Variants in OR10A2 observed in about 807,000 individuals in gnomAD.
The protein encoded by OR10A2 is olfactory receptor 10A2.
In OR10A2, 15 loss-of-function variants were observed where a neutral mutation model predicts 13.7. That is an observed-to-expected ratio of 1.10 (90% confidence interval 0.73 to 1.69). OR10A2 has a LOEUF of 1.69. Ranked by LOEUF, OR10A2 falls within the 40% of genes most tolerant of loss-of-function variation. OR10A2 has a pLI of 0.00. For synonymous variants in OR10A2, 145 were observed against 144.7 expected (o/e 1.00, Z -0.02); for missense variants, 343 against 361.1 (o/e 0.95, Z 0.41).
chr11:6,870,297 C>G lies in OR10A2; in HGVS notation c.543C>G (p.Leu181=), dbSNP rs7117739. 614,166 of 1,613,578 alleles carry G rather than the reference C, an allele frequency of 0.38. 119,084 individuals are homozygous for G. The highest frequency in any genetic ancestry group is 0.4 in the South Asian group (36,854 of 91,066). The change falls in exon 2 of 2, where the codon CTC becomes CTG. Residue 181 remains leucine, a synonymous_variant. Transcript: ENST00000641461. ...GGCTGGTCTGTGCAGACACAGCACT[C>G]TTTGAGATCTACGCCATCGTCGGAA... ...VLRLVCADTA[L]FEIYAIVGTI...
rs1424348881 is a variant in OR10A2, at chr11:6,863,329, G to GCAGA, written c.-154_-151dup. The stretch of plus-strand genomic sequence containing the variant: ...TGGATGTCAGCCAGAGTTGAACAAG[G>GCAGA]CAGATGTTCCTGTTGGACACAGGTA... On this transcript the variant is annotated 5_prime_UTR_variant, in exon 1 of 2. It adds an upstream start codon to the 5' untranslated region. Transcript: ENST00000641461. 8.9e-6 allele frequency: 1 copy of GCAGA among 112,214 alleles called. No homozygotes were observed. The highest frequency in any genetic ancestry group is 2.0e-5 in the Non-Finnish European group (1 of 49,650). 7.0% of individuals were successfully genotyped at this position (112,214 alleles called of 1,614,324 possible).
chr11:6,868,484 C>T (rs935561916), intron 1 of OR10A2, among the ~76,000 whole-genome samples: 1 of 152,226 alleles, frequency 6.6e-6, no homozygotes, highest in Middle Eastern at 3.4e-3. Flanking sequence ...AGCATTATGA[C>T]AATGTCACTC....
In OR10A2 at chr11:6,863,136, G is replaced by T. The variant is rs1365280782; in HGVS notation, c.-348G>T. On this transcript the variant is annotated 5_prime_UTR_variant, in exon 1 of 2. Coordinates refer to ENST00000641461, the MANE Select transcript of OR10A2 (RefSeq NM_001004460.2). ...ACTGGGAGCATGGCCAAACTTCATA[G>T]TGAGCTTACTTGCCTCTGACACACA... 1 of 152,250 alleles carries T rather than the reference G, an allele frequency of 6.6e-6. No individual in the cohort carries two copies. Among genetic ancestry groups the T allele is most frequent in the East Asian group, 1.9e-4 (1 of 5,190 alleles). 9.4% of individuals were successfully genotyped at this position (152,250 alleles called of 1,614,324 possible). A position where few individuals can be genotyped will look rare whatever the true frequency, so the allele number is the denominator to read the frequency against.
chr11:6,870,220 T>C lies in OR10A2; in HGVS notation c.466T>C (p.Cys156Arg), dbSNP rs1407324669. 4.3e-6 allele frequency: 7 copies of C among 1,614,250 alleles called. No individual in the cohort carries two copies. Among genetic ancestry groups the C allele is most frequent in the Non-Finnish European group, 5.9e-6 (7 of 1,180,042 alleles). ...CACATGGCTCTTCAGTTTTCCATTCTGTGGCACCAACAAGGTGAACCACTT... is the reference window on the plus strand; with the variant it reads ...CACATGGCTCTTCAGTTTTCCATTCCGTGGCACCAACAAGGTGAACCACTT... The part of the protein sequence containing the change: ...QTTWLFSFPF[C>R]GTNKVNHFFC... Residue 156 changes from cysteine (C) to arginine (R), a missense_variant, in exon 2 of 2, where the codon TGT becomes CGT. Transcript: ENST00000641461.
chr11:6,865,843 C>A (rs1848375203), intron 1 of OR10A2, among the ~76,000 whole-genome samples: 1 of 152,114 alleles, frequency 6.6e-6, no homozygotes, highest in Non-Finnish European at 1.5e-5. Context: ...ATCCAAATGA[C>A]CCTCCATAGC....
In OR10A2 at chr11:6,871,446, T is replaced by G. The variant is rs949283911; in HGVS notation, c.*780T>G. 3.3e-5 allele frequency: 5 copies of G among 152,256 alleles called. No individual in the cohort carries two copies. Among genetic ancestry groups the G allele is most frequent in the Non-Finnish European group, 5.9e-5 (4 of 68,066 alleles). 9.4% of individuals were successfully genotyped at this position (152,256 alleles called of 1,614,324 possible). A position where few individuals can be genotyped will look rare whatever the true frequency, so the allele number is the denominator to read the frequency against. ...CCAACACATAACTCTCCTCACCATC[T>G]TACTTCATTCTCATGCCCTTAAGCA... On this transcript the variant is annotated 3_prime_UTR_variant, in exon 2 of 2. Coordinates refer to ENST00000641461, the MANE Select transcript of OR10A2 (RefSeq NM_001004460.2).
intron 1 of OR10A2, among the ~76,000 whole-genome samples, chr11:6,864,127 C>G (rs1363850557): frequency 6.6e-6 from 1 of 152,136 alleles, no homozygotes; most frequent in African/African-American, 2.4e-5. Flanking sequence ...GAGCTGCCAC[C>G]TTCTGCAATG....
rs1405447822 is a variant in OR10A2, at chr11:6,874,415, A to G, written c.*3749A>G. 1.3e-5 allele frequency: 2 copies of G among 152,188 alleles called. No individual in the cohort carries two copies. The highest frequency in any genetic ancestry group is 6.5e-5 in the Admixed American group (1 of 15,278). The allele number at this position is 152,188 out of a possible 1,614,324, so 9.4% of individuals were successfully genotyped here. The stretch of plus-strand genomic sequence containing the variant: ...ATGAAAGTGGTATTCCAGTTCTCCA[A>G]TGTTACTAATATATTGAAATTTTCT... On this transcript the variant is annotated 3_prime_UTR_variant, in exon 2 of 2. Coordinates refer to ENST00000641461, the MANE Select transcript of OR10A2 (RefSeq NM_001004460.2).
intron 1 of OR10A2, among the ~76,000 whole-genome samples, chr11:6,868,770 C>T (rs1299674446): frequency 1.3e-5 from 2 of 152,050 alleles, no homozygotes; most frequent in African/African-American, 2.4e-5. Context: ...ATCACCATTT[C>T]TCCACTAGAC....
intron 1 of OR10A2, among the ~76,000 whole-genome samples, chr11:6,864,807 CT>C (rs1282385874): frequency 6.6e-6 from 1 of 151,660 alleles, no homozygotes; most frequent in Non-Finnish European, 1.5e-5. Context: ...TCGGGTGTAG[CT>C]TAAGTTCATT....
chr11:6,864,076 C>T (rs1367323769), intron 1 of OR10A2, among the ~76,000 whole-genome samples: 1 of 152,218 alleles, frequency 6.6e-6, no homozygotes. Context: ...TTGGACACCC[C>T]TGTTCTAGAG....
At chr11:6,865,590 T>C (rs894692845) in intron 1 of OR10A2, among the ~76,000 whole-genome samples, 1 of 152,210 alleles carries the variant, frequency 6.6e-6, no homozygotes, top group Admixed American at 6.5e-5. Context: ...AAAGATTTCA[T>C]TGAAATATGA....
Position 6,869,741 on chromosome 11 carries a change from G to C in OR10A2, c.-14G>C. 6.2e-7 allele frequency: 1 copy of C among 1,609,230 alleles called. No individual in the cohort carries two copies. Among genetic ancestry groups the C allele is most frequent in the Non-Finnish European group, 8.5e-7 (1 of 1,176,190 alleles). ...GCTACAGGAAACTGGACAAGAATAA[G>C]TGAGTTTATCCTCATGAGCTTCTCT... is the stretch of plus-strand genomic sequence containing the variant. On this transcript the variant is annotated 5_prime_UTR_variant, in exon 2 of 2. Coordinates refer to ENST00000641461, the MANE Select transcript of OR10A2 (RefSeq NM_001004460.2).
intron 1 of OR10A2, among the ~76,000 whole-genome samples, chr11:6,869,360 G>C (rs1590018500): frequency 6.6e-6 from 1 of 152,284 alleles, no homozygotes; most frequent in East Asian, 1.9e-4. Context: ...CACTTGGTGT[G>C]TTTCATAAGT....
chr11:6,865,577 T>C (rs1000658801), intron 1 of OR10A2, among the ~76,000 whole-genome samples: 22 of 152,292 alleles, frequency 1.4e-4, no homozygotes, highest in African/African-American at 4.8e-4. Context: ...CCCACAAATA[T>C]ACAAAGATTT....
intron 1 of OR10A2, among the ~76,000 whole-genome samples, chr11:6,867,210 A>ATATTAT (rs143148199): frequency 0.12 from 18,201 of 150,484 alleles, 1,286 homozygotes; most frequent in South Asian, 0.22. Context: ...TCAATATTCT[A>ATATTAT]TATTATTATT....
In OR10A2 at chr11:6,869,779, G is replaced by A; in HGVS notation, c.25G>A (p.Glu9Lys). The change falls in exon 2 of 2, where the codon GAA (glutamate) becomes AAA (lysine). Residue 9 changes from glutamate (E) to lysine (K), a missense_variant. Transcript: ENST00000641461. MSFSSLPT[E>K]IQSLLFLTFL... The stretch of plus-strand genomic sequence containing the variant: ...CATGAGCTTCTCTTCCCTGCCTACT[G>A]AAATACAGTCATTACTCTTTCTGAC... 6.2e-7 allele frequency: 1 copy of A among 1,614,068 alleles called. No homozygotes were observed.
Position 6,870,206 on chromosome 11 carries a change from T to C in OR10A2, c.452T>C (p.Phe151Ser). 1 of 1,614,238 alleles carries C rather than the reference T, an allele frequency of 6.2e-7. No individual in the cohort carries two copies. The stretch of plus-strand genomic sequence containing the variant: ...GCTACTGTGCAGACCACATGGCTCT[T>C]CAGTTTTCCATTCTGTGGCACCAAC... ...PVATVQTTWL[F>S]SFPFCGTNKV... Residue 151 changes from phenylalanine to serine, a missense_variant, in exon 2 of 2, where the codon TTC becomes TCC. Physicochemically the swap from Phe to Ser is radical, Grantham distance 155. Transcript: ENST00000641461.
rs10839633 is a variant in OR10A2 at position 6,874,113 on chromosome 11, G to T, written c.*3447G>T. On this transcript the variant is annotated 3_prime_UTR_variant, in exon 2 of 2. Transcript: ENST00000641461. Reference sequence around the variant, plus strand: ...CTCTTATCATTGTTTCAGTCCGTGTGAATTGTATGATGCTATATTATATTC... The same window carrying T: ...CTCTTATCATTGTTTCAGTCCGTGTTAATTGTATGATGCTATATTATATTC... The T allele has an allele frequency of 0.2, 30,690 of 152,152 alleles. 3,297 individuals are homozygous for T. Among genetic ancestry groups the T allele is most frequent in the Non-Finnish European group, 0.24 (16,106 of 67,980 alleles). The allele number at this position is 152,152 out of a possible 1,614,324, so 9.4% of individuals were successfully genotyped here. A position where few individuals can be genotyped will look rare whatever the true frequency, so the allele number is the denominator to read the frequency against.
Sources: gnomAD v4.1 joint callset for allele counts (sites outside exome capture counted in the v4.1 genomes callset) on GRCh38, gnomAD v4.1.1 for gene constraint, MANE v1.5 for transcripts, NCBI Gene and HGNC (gene_info 2026-07-23, HGNC 2026-07-21) for gene names.